Variants in UBTD2 observed in about 807,000 individuals in gnomAD.
UBTD2 encodes the protein ubiquitin domain containing 2.
A neutral mutation model predicts 19.8 loss-of-function variants in UBTD2; 9 were observed. The observed-to-expected ratio is 0.46, with a 90% CI of 0.27 to 0.79. The LOEUF is 0.79. Ranked by LOEUF, UBTD2 falls within the 30% of genes least tolerant of loss-of-function variation. The pLI is 0.14. For synonymous variants in UBTD2, 98 were observed against 103.9 expected, an observed-to-expected ratio of 0.94 and a Z score of 0.35; for missense variants, 250 against 300.4, an observed-to-expected ratio of 0.83 and a Z score of 1.24.
At chr5:172,263,853 G>GTGTGTGTGTGTGTGTA (rs1187375786) in intron 1 of UBTD2, among the ~76,000 whole-genome samples, 1 of 149,710 alleles carries the variant, frequency 6.7e-6, no homozygotes, top group Non-Finnish European at 1.5e-5. Flanking sequence ...ACGTGCCTCT[G>GTGTGTGTGTGTGTGTA]TGTGTGTGTG....
At chr5:172,265,622 C>T (rs1755362652) in intron 1 of UBTD2, among the ~76,000 whole-genome samples, 1 of 152,168 alleles carries the variant, frequency 6.6e-6, no homozygotes, top group Non-Finnish European at 1.5e-5. Context: ...AGCCACCGTG[C>T]CTGGCCACTG....
intron 1 of UBTD2, among the ~76,000 whole-genome samples, chr5:172,260,052 G>GCCCCCACCCCCTCCCCGCCGCA (rs1755234359): frequency 4.7e-5 from 7 of 149,204 alleles, no homozygotes; most frequent in Admixed American, 4.1e-4. Flanking sequence ...AACTCTGTCC[G>GCCCCCACCCCCTCCCCGCCGCA]CCCCCACCCC....
In UBTD2 at chr5:172,210,446, C is replaced by G. The variant is rs536731326; in HGVS notation, c.*1384G>C. 6.6e-6 allele frequency: 1 copy of G among 151,734 alleles called. No individual in the cohort carries two copies. Among genetic ancestry groups the G allele is most frequent in the African/African-American group, 2.4e-5 (1 of 41,364 alleles). The allele number at this position is 151,734 out of a possible 1,614,324, so 9.4% of individuals were successfully genotyped here. A position where few individuals can be genotyped will look rare whatever the true frequency, so the allele number is the denominator to read the frequency against. ...GCACAGTGGTCACATGTTAGCCCCC[C>G]TTCTCACTTATGGAACCAACTTTTA... On this transcript the variant is annotated 3_prime_UTR_variant, in exon 3 of 3. Transcript: ENST00000393792.
At chr5:172,252,916 T>C (rs1755059055) in intron 1 of UBTD2, among the ~76,000 whole-genome samples, 1 of 152,114 alleles carries the variant, frequency 6.6e-6, no homozygotes, top group African/African-American at 2.4e-5. Context: ...TTAAATTCTA[T>C]CCAGTTATAA....
intron 1 of UBTD2, chr5:172,254,548 A>G (rs1287849692): frequency 1.6e-6 from 1 of 607,976 alleles, no homozygotes; most frequent in Non-Finnish European, 3.0e-6. Flanking sequence ...GTACATTTGT[A>G]GGGTTTTTCT....
At chr5:172,227,290 GAGGAATAGATAA>G (rs1771788290) in intron 2 of UBTD2, among the ~76,000 whole-genome samples, 1 of 152,200 alleles carries the variant, frequency 6.6e-6, no homozygotes, top group Admixed American at 6.5e-5. Context: ...GACAACAGCA[GAGGAATAGATAA>G]ACTGGAATAC....
At chr5:172,221,848 T>C (rs1429050982) in intron 2 of UBTD2, among the ~76,000 whole-genome samples, 1 of 152,180 alleles carries the variant, frequency 6.6e-6, no homozygotes, top group Non-Finnish European at 1.5e-5. Context: ...AACTATGGAC[T>C]TCTGAGTGAT....
intron 1 of UBTD2, among the ~76,000 whole-genome samples, chr5:172,239,271 A>G (rs1027099186): frequency 5.9e-5 from 9 of 152,186 alleles, no homozygotes; most frequent in South Asian, 4.1e-4. Context: ...ACCCCGTACT[A>G]GAACACACAT....
At chr5:172,231,024 C>G (rs1032874918) in intron 2 of UBTD2, among the ~76,000 whole-genome samples, 2 of 152,194 alleles carry the variant, frequency 1.3e-5, no homozygotes, top group African/African-American at 4.8e-5. Flanking sequence ...ACCTCATGAT[C>G]TGCCCGCCTC....
intron 1 of UBTD2, among the ~76,000 whole-genome samples, chr5:172,246,380 A>C (rs1000706357): frequency 1.3e-4 from 20 of 151,922 alleles, no homozygotes; most frequent in African/African-American, 4.6e-4. Context: ...CCTAAATCCA[A>C]TCATATCAGT....
At chr5:172,240,778 G>C (rs867982036) in intron 1 of UBTD2, among the ~76,000 whole-genome samples, 2 of 152,050 alleles carry the variant, frequency 1.3e-5, no homozygotes, top group African/African-American at 2.4e-5. Context: ...ATATGAAACT[G>C]GGACTAAGAA....
intron 1 of UBTD2, among the ~76,000 whole-genome samples, chr5:172,263,194 G>T (rs72846906): frequency 0.023 from 3,502 of 152,174 alleles, 54 homozygotes; most frequent in Non-Finnish European, 0.035. Context: ...GCCTTCCAAA[G>T]TGCTAGGATT....
chr5:172,265,173 CA>C (rs1755351075), intron 1 of UBTD2, among the ~76,000 whole-genome samples: 1 of 152,162 alleles, frequency 6.6e-6, no homozygotes, highest in Non-Finnish European at 1.5e-5. Flanking sequence ...AAGCTCTTAA[CA>C]AGCAAATTAG....
At chr5:172,259,107 G>A (rs1755216688) in intron 1 of UBTD2, among the ~76,000 whole-genome samples, 1 of 152,024 alleles carries the variant, frequency 6.6e-6, no homozygotes, top group African/African-American at 2.4e-5. Context: ...TTATGATTTT[G>A]AGGTATGTTC....
chr5:172,243,441 G>C (rs916520049), intron 1 of UBTD2, among the ~76,000 whole-genome samples: 1 of 151,612 alleles, frequency 6.6e-6, no homozygotes, highest in African/African-American at 2.4e-5. Context: ...TGCCACATGA[G>C]GACACAGCAA....
intron 1 of UBTD2, among the ~76,000 whole-genome samples, chr5:172,241,156 G>A (rs1772119395): frequency 6.6e-6 from 1 of 151,848 alleles, no homozygotes; most frequent in Non-Finnish European, 1.5e-5. Flanking sequence ...GCTCACACCT[G>A]TAATCTCAGC....
intron 1 of UBTD2, among the ~76,000 whole-genome samples, chr5:172,263,647 A>C (rs1359240304): frequency 2.0e-5 from 3 of 152,022 alleles, no homozygotes; most frequent in Admixed American, 2.0e-4. Context: ...ACAAAAAATT[A>C]GCCAGGCACG....
At chr5:172,251,463 T>A (rs1581224775) in intron 1 of UBTD2, among the ~76,000 whole-genome samples, 5 of 54,654 alleles carry the variant, frequency 9.1e-5, no homozygotes, top group Admixed American at 4.6e-4. Context: ...AATCAAACTG[T>A]CCAAAAAAAA....
At chr5:172,257,975 T>C (rs1439142999) in intron 1 of UBTD2, among the ~76,000 whole-genome samples, 2 of 152,220 alleles carry the variant, frequency 1.3e-5, no homozygotes, top group Non-Finnish European at 2.9e-5. Context: ...ACTTTATTGA[T>C]AGTTTCTTTT....
Sources: allele counts gnomAD v4.1 joint callset (sites outside exome capture counted in the v4.1 genomes callset), GRCh38; gene constraint gnomAD v4.1.1; transcripts MANE v1.5; gene names NCBI Gene and HGNC (gene_info 2026-07-23, HGNC 2026-07-21).